BRD7: variants seen among roughly 807,000 people sequenced by gnomAD.
BRD7 encodes bromodomain-containing protein 7.
In BRD7, 15 loss-of-function variants were observed where a neutral mutation model predicts 82.1. That is an observed-to-expected ratio of 0.18 (90% confidence interval 0.12 to 0.28). The LOEUF is 0.28. Ranked by LOEUF, BRD7 falls within the 10% of genes least tolerant of loss-of-function variation. The probability of loss-of-function intolerance (pLI) is 1.00; values close to 1 mark genes in which losing one functional copy is unlikely to be tolerated. For missense variants in BRD7, 638 were observed against 779.9 expected (o/e 0.82, Z 2.17); for synonymous variants, 232 against 266.9 (o/e 0.87, Z 1.27).
intron 1 of BRD7, 56 bp from the exon 2 acceptor site, chr16:50,368,354 C>T: frequency 2.6e-6 from 4 of 1,563,652 alleles, no homozygotes; most frequent in African/African-American, 1.4e-5. Flanking sequence ...CGGGGCTCTC[C>T]AGGGAGTGCT....
At chr16:50,364,845 C>T (rs1385992262) in intron 2 of BRD7, among the ~76,000 whole-genome samples, 2 of 152,040 alleles carry the variant, frequency 1.3e-5, no homozygotes, top group South Asian at 2.1e-4. Flanking sequence ...AAACAAGAAA[C>T]GAAGAATATT....
intron 12 of BRD7, among the ~76,000 whole-genome samples, chr16:50,323,184 T>G (rs1199363070): frequency 3.3e-5 from 5 of 152,186 alleles, no homozygotes; most frequent in Non-Finnish European, 7.3e-5. Flanking sequence ...TGAGGAAGCT[T>G]TTTACTTTTT....
At chr16:50,335,977 C>T (rs4595801) in intron 6 of BRD7, among the ~76,000 whole-genome samples, 38,840 of 152,086 alleles carry the variant, frequency 0.26, 5,921 homozygotes, top group African/African-American at 0.42. Context: ...AAAAATCCTC[C>T]TAATGTCTCA....
At chr16:50,324,016 G>T (rs926213482) in intron 11 of BRD7, among the ~76,000 whole-genome samples, 1 of 151,958 alleles carries the variant, frequency 6.6e-6, no homozygotes, top group African/African-American at 2.4e-5. Flanking sequence ...CTTTCATATG[G>T]GATCAAAAAA....
At chr16:50,338,327 T>C (rs185990120) in intron 6 of BRD7, among the ~76,000 whole-genome samples, 1 of 152,170 alleles carries the variant, frequency 6.6e-6, no homozygotes, top group African/African-American at 2.4e-5. Context: ...GGAACCAAAG[T>C]TGTCTAAATA....
At chr16:50,368,337 T>C in intron 1 of BRD7, 39 bp from the exon 2 acceptor site, 1 of 1,599,442 alleles carries the variant, frequency 6.3e-7, no homozygotes, top group Non-Finnish European at 8.5e-7. Context: ...AGCGCGTCGA[T>C]TAAAATCGGG....
At position 50,368,824 on chromosome 16, in the gene BRD7, G is replaced by C; in HGVS notation, c.-50C>G. 1.4e-6 allele frequency: 2 copies of C among 1,410,208 alleles called. No homozygotes were observed. Among genetic ancestry groups the C allele is most frequent in the Non-Finnish European group, 1.9e-6 (2 of 1,068,162 alleles). 87.4% of individuals were successfully genotyped at this position (1,410,208 alleles called of 1,614,324 possible). ...CCCCCGCGCCAGGCCCAGGCCGTGC[G>C]GCGCCGCTTCCGGTCCGGGCCAGGC... On this transcript the variant is annotated 5_prime_UTR_variant, in exon 1 of 17. Coordinates refer to ENST00000394688, the MANE Select transcript of BRD7 (RefSeq NM_013263.5).
chr16:50,319,403 C>A, intron 16 of BRD7, 137 bp from the exon 17 acceptor site: 1 of 689,516 alleles, frequency 1.5e-6, no homozygotes, highest in Non-Finnish European at 2.5e-6. Flanking sequence ...GAAGACTACG[C>A]GCATTATCAG....
At chr16:50,323,042 G>A (rs1458192135) in intron 12 of BRD7, among the ~76,000 whole-genome samples, 1 of 152,192 alleles carries the variant, frequency 6.6e-6, no homozygotes, top group African/African-American at 2.4e-5. Context: ...ACGTTCTGGA[G>A]ATCAACTCTC....
At chr16:50,338,888 G>A (rs2037928882) in intron 6 of BRD7, among the ~76,000 whole-genome samples, 1 of 152,174 alleles carries the variant, frequency 6.6e-6, no homozygotes, top group South Asian at 2.1e-4. Flanking sequence ...CCCTTGATTC[G>A]TTCCCTAAAG....
chr16:50,362,440 T>C (rs775873818), intron 2 of BRD7, among the ~76,000 whole-genome samples: 30 of 152,220 alleles, frequency 2.0e-4, no homozygotes, highest in African/African-American at 6.5e-4. Context: ...AGTAATTCTA[T>C]TTGTGGGTGT....
At chr16:50,357,314 A>C (rs928715512) in intron 2 of BRD7, among the ~76,000 whole-genome samples, 4 of 151,118 alleles carry the variant, frequency 2.6e-5, no homozygotes, top group Admixed American at 1.3e-4. Context: ...AAAGCACCTA[A>C]TACAGAATAT....
At chr16:50,329,080 T>C (rs1371629422) in intron 8 of BRD7, among the ~76,000 whole-genome samples, 1 of 152,220 alleles carries the variant, frequency 6.6e-6, no homozygotes, top group Admixed American at 6.5e-5. Context: ...TTCGAATTTC[T>C]GGATTAGGGA....
At chr16:50,341,078 A>T (rs921437904) in intron 5 of BRD7, among the ~76,000 whole-genome samples, 4 of 151,764 alleles carry the variant, frequency 2.6e-5, no homozygotes, top group Admixed American at 6.6e-5. Flanking sequence ...ATTAAAGTGG[A>T]TGAAGTATAT....
intron 5 of BRD7, among the ~76,000 whole-genome samples, chr16:50,341,177 TACACACACACACACACACACACAC>T (rs57755008): frequency 0.24 from 32,337 of 137,280 alleles, 3,836 homozygotes; most frequent in East Asian, 0.33. Flanking sequence ...AGACCTTAAG[TACACACACACACACACACACACAC>T]ACACACACAC....
At chr16:50,320,223 T>C (rs1343759857) in intron 15 of BRD7, 25 bp downstream of exon 15, 16 of 1,598,206 alleles carry the variant, frequency 1.0e-5, no homozygotes, top group Non-Finnish European at 1.3e-5. Flanking sequence ...CCCGTGACTC[T>C]CCTCTTATGG....
intron 5 of BRD7, among the ~76,000 whole-genome samples, chr16:50,341,492 A>T (rs2038051477): frequency 6.6e-6 from 1 of 151,638 alleles, no homozygotes; most frequent in Admixed American, 6.6e-5. Flanking sequence ...AATACAAAAA[A>T]ATTAGCTGGG....
chr16:50,342,311 AAGAG>A (rs2038099220), intron 5 of BRD7, among the ~76,000 whole-genome samples: 1 of 152,228 alleles, frequency 6.6e-6, no homozygotes, highest in South Asian at 2.1e-4. Context: ...TTCTCGAAAT[AAGAG>A]AGAATGTAAT....
rs147751245 is a variant in BRD7 at position 50,367,768 on chromosome 16, C to G, written c.258+322G>C. Among the ~76,000 whole-genome samples, 393 of 152,322 alleles carry G rather than the reference C, an allele frequency of 2.6e-3. 1 individual carries two copies. Among genetic ancestry groups the G allele is most frequent in the African/African-American group, 6.3e-3 (263 of 41,570 alleles). On this transcript the variant is annotated intron_variant, in intron 2 of 16. Transcript: ENST00000394688. ...TCGCTTCTGAAATGACTATTTTTGACAATCCTTGAACACTGAGGCTTTCTT... is the reference window on the plus strand; with the variant it reads ...TCGCTTCTGAAATGACTATTTTTGAGAATCCTTGAACACTGAGGCTTTCTT...
Sources: gnomAD v4.1 joint callset for allele counts (sites outside exome capture counted in the v4.1 genomes callset) on GRCh38, gnomAD v4.1.1 for gene constraint, MANE v1.5 for transcripts, NCBI Gene and HGNC (gene_info 2026-07-23, HGNC 2026-07-21) for gene names.